Variants in KANK1 observed in about 807,000 individuals in gnomAD.
The protein encoded by KANK1 is KN motif and ankyrin repeat domains 1, also known as KN motif and ankyrin repeat domain-containing protein 1.
In KANK1, 109 loss-of-function variants were observed where a neutral mutation model predicts 106.2. That is an observed-to-expected ratio of 1.03 (90% CI 0.88 to 1.20). The LOEUF is 1.20. Ranked by LOEUF, KANK1 falls within the 50% of genes most tolerant of loss-of-function variation. The pLI, the probability that KANK1 is intolerant of heterozygous loss-of-function variation, is 0.00. For synonymous variants in KANK1, 873 were observed against 652.2 expected, an observed-to-expected ratio of 1.34 and a Z score of -5.16; for missense variants, 2,399 against 1,710.7, an observed-to-expected ratio of 1.40 and a Z score of -7.10.
intron 1 of KANK1, among the ~76,000 whole-genome samples, chr9:624,790 C>A (rs1833955670): frequency 6.6e-6 from 1 of 151,934 alleles, no homozygotes; most frequent in Non-Finnish European, 1.5e-5. Flanking sequence ...CAGAGCGAGA[C>A]TCTGTCTCAA....
chr9:539,184 A>T (rs974707217), intron 1 of KANK1, among the ~76,000 whole-genome samples: 2 of 151,974 alleles, frequency 1.3e-5, no homozygotes, highest in African/African-American at 4.8e-5. Flanking sequence ...CCTGGCTGAA[A>T]ACTTTCCAGT....
At chr9:498,486 T>G (rs1259631285) in intron 3 of KANK1, among the ~76,000 whole-genome samples, 1 of 152,216 alleles carries the variant, frequency 6.6e-6, no homozygotes. Flanking sequence ...GTCCTCCTTG[T>G]GACCCACAAC....
chr9:543,096 G>T (rs564740094), intron 1 of KANK1, among the ~76,000 whole-genome samples: 120 of 152,224 alleles, frequency 7.9e-4, no homozygotes, highest in Non-Finnish European at 1.4e-3. Flanking sequence ...CGAGGTCTAT[G>T]TACATCAAAC....
chr9:628,074 G>T (rs780407987), intron 1 of KANK1, among the ~76,000 whole-genome samples: 1 of 152,218 alleles, frequency 6.6e-6, no homozygotes, highest in Non-Finnish European at 1.5e-5. Flanking sequence ...AAATACAGTT[G>T]CTTATTTCAT....
intron 1 of KANK1, among the ~76,000 whole-genome samples, chr9:531,848 G>A (rs1384798183): frequency 6.6e-6 from 1 of 152,196 alleles, no homozygotes; most frequent in Non-Finnish European, 1.5e-5. Flanking sequence ...CTGCTTCTGT[G>A]TGTGTGTGTT....
At position 630,291 on chromosome 9, in the gene KANK1, C is replaced by T. The variant is rs534108533; in HGVS notation, c.-83-46599C>T. Among the ~76,000 whole-genome samples the T allele has an allele frequency of 2.4e-4, 36 of 151,458 alleles. No homozygotes were observed. The South Asian group carries it at 7.1e-3, about 30-fold the overall frequency. On this transcript the variant is annotated intron_variant, in intron 1 of 11. Transcript: ENST00000382297. ...GAGTTGGGGGGCAGGCACGGTGGCT[C>T]ACGCCTGTAATCCCAGCACTTTGGA...
At chr9:739,317 G>A (rs1834699617) in intron 8 of KANK1, among the ~76,000 whole-genome samples, 2 of 152,178 alleles carry the variant, frequency 1.3e-5, no homozygotes, top group Non-Finnish European at 2.9e-5. Context: ...GATTAATGAG[G>A]ATGTAGTGTG....
chr9:607,812 A>T (rs990511595), intron 1 of KANK1, among the ~76,000 whole-genome samples: 2 of 151,652 alleles, frequency 1.3e-5, no homozygotes, highest in African/African-American at 4.9e-5. Context: ...CAAAGAAAAA[A>T]AGCGCCGAAA....
chr9:619,130 C>G (rs550481073), intron 1 of KANK1, among the ~76,000 whole-genome samples: 5 of 152,160 alleles, frequency 3.3e-5, no homozygotes, highest in Non-Finnish European at 5.9e-5. Context: ...CAGTTAAAAG[C>G]TTCCTTGTAG....
At chr9:602,728 C>T (rs1470776879) in intron 1 of KANK1, among the ~76,000 whole-genome samples, 1 of 151,824 alleles carries the variant, frequency 6.6e-6, no homozygotes, top group Non-Finnish European at 1.5e-5. Flanking sequence ...TCTTTACGGT[C>T]AGAGGACATT....
chr9:550,630 A>G (rs1412106326), intron 1 of KANK1, among the ~76,000 whole-genome samples: 1 of 152,034 alleles, frequency 6.6e-6, no homozygotes, highest in Non-Finnish European at 1.5e-5. Flanking sequence ...ACATTACACC[A>G]TTGTCAGAAA....
rs964951723 is a variant in KANK1, at chr9:613,358, C to G, written c.-83-63532C>G. On this transcript the variant is annotated intron_variant, in intron 1 of 11. Coordinates refer to ENST00000382297, the MANE Select transcript of KANK1 (RefSeq NM_015158.5). ...GCTGGAGATAGAGCAGAGCTTCAGT[C>G]CTTTATGACAAGCTTGTCCAACCCA... 2.0e-5 allele frequency among the ~76,000 whole-genome samples: 3 copies of G among 151,100 alleles called. No homozygotes were observed. The Admixed American group carries it at 2.0e-4, about 10-fold the overall frequency.
In KANK1 at chr9:712,643, G is replaced by A. The variant is rs369482274; in HGVS notation, c.1877G>A (p.Arg626Gln). The change falls in exon 3 of 12, where the codon CGG becomes CAG. Residue 626 changes from arginine to glutamine, a missense_variant. By Grantham distance (43) the Arg-to-Gln change is conservative. Transcript: ENST00000382297. Reference sequence around the variant, plus strand: ...ACAAACTTGAATCTCAAAGAAGTGCGGTCTATCGGTTGTGGAGATTGTTCT... The same window carrying A: ...ACAAACTTGAATCTCAAAGAAGTGCAGTCTATCGGTTGTGGAGATTGTTCT... The part of the protein sequence containing the change: ...LKTNLNLKEV[R>Q]SIGCGDCSVD... The A allele has an allele frequency of 1.2e-5, 20 of 1,614,000 alleles. No individual in the cohort carries two copies. Among genetic ancestry groups the A allele is most frequent in the African/African-American group, 9.3e-5 (7 of 74,908 alleles).
At chr9:679,936 T>A (rs1473634048) in intron 2 of KANK1, among the ~76,000 whole-genome samples, 1 of 152,146 alleles carries the variant, frequency 6.6e-6, no homozygotes, top group Non-Finnish European at 1.5e-5. Context: ...AAATACTCAA[T>A]GTAAGAGATG....
chr9:582,011 C>G (rs989107802), intron 1 of KANK1, among the ~76,000 whole-genome samples: 4 of 152,196 alleles, frequency 2.6e-5, no homozygotes, highest in African/African-American at 9.6e-5. Flanking sequence ...AGCCAGAGCC[C>G]TCGACCCTTG....
intron 1 of KANK1, among the ~76,000 whole-genome samples, chr9:631,424 A>T (rs1359101928): frequency 1.3e-5 from 2 of 152,016 alleles, no homozygotes; most frequent in Admixed American, 6.6e-5. Context: ...GAGGACCATC[A>T]ACTATACCCT....
At chr9:524,316 T>C (rs2059684571) in intron 1 of KANK1, among the ~76,000 whole-genome samples, 1 of 151,420 alleles carries the variant, frequency 6.6e-6, no homozygotes. Context: ...TTTTTTTTTC[T>C]TGACAATAAC....
At chr9:678,752 A>G (rs1035696679) in intron 2 of KANK1, among the ~76,000 whole-genome samples, 1 of 152,094 alleles carries the variant, frequency 6.6e-6, no homozygotes, top group Non-Finnish European at 1.5e-5. Flanking sequence ...CAGAATTATG[A>G]TGACTTTCTC....
At chr9:684,105 G>A in intron 2 of KANK1, 1 of 945,040 alleles carries the variant, frequency 1.1e-6, no homozygotes, top group Non-Finnish European at 1.3e-6. Flanking sequence ...TGGCTCATCA[G>A]AGCTTGCTTG....
Sources: gnomAD v4.1 joint callset for allele counts (sites outside exome capture counted in the v4.1 genomes callset) on GRCh38, gnomAD v4.1.1 for gene constraint, MANE v1.5 for transcripts, NCBI Gene and HGNC (gene_info 2026-07-23, HGNC 2026-07-21) for gene names.